Variants in ACOT12 observed in about 807,000 individuals in gnomAD.
The protein encoded by ACOT12 is acyl-CoA thioesterase 12.
A neutral mutation model predicts 67.7 loss-of-function variants in ACOT12; 51 were observed. That is an observed-to-expected ratio of 0.75 (90% CI 0.60 to 0.95). ACOT12 has a LOEUF of 0.95. ACOT12 is among the 40% of genes least tolerant of loss of function. The pLI is 0.00. For missense variants in ACOT12, 734 were observed against 708.1 expected, an observed-to-expected ratio of 1.04 and a Z score of -0.41; for synonymous variants, 251 against 244.6, an observed-to-expected ratio of 1.03 and a Z score of -0.24.
At chr5:81,351,409 T>C (rs1415202138) in intron 5 of ACOT12, among the ~76,000 whole-genome samples, 2 of 152,258 alleles carry the variant, frequency 1.3e-5, no homozygotes, top group East Asian at 1.9e-4. Context: ...AACAGACACA[T>C]AGACCAATGG....
chr5:81,327,239 CAT>C (rs10618114), downstream of ACOT12, among the ~76,000 whole-genome samples: 27,991 of 149,674 alleles, frequency 0.19, 2,779 homozygotes, highest in African/African-American at 0.25. Flanking sequence ...TACATACACA[CAT>C]ATATATATAT....
Position 81,350,957 on chromosome 5 carries a change from G to C in ACOT12, c.497-3027C>G, listed in dbSNP as rs533416668. On this transcript the variant is annotated intron_variant, in intron 5 of 14. Coordinates refer to ENST00000307624, the MANE Select transcript of ACOT12 (RefSeq NM_130767.3). ...GCAGGCCCACCTGCTGGGTCCTCCAGGACAAATGCCAGCCCCCATGCTTCC... is the reference window on the plus strand; with the variant it reads ...GCAGGCCCACCTGCTGGGTCCTCCACGACAAATGCCAGCCCCCATGCTTCC... Among the ~76,000 whole-genome samples, 613 of 152,288 alleles carry C rather than the reference G, an allele frequency of 4.0e-3. 7 individuals are homozygous for C. Among genetic ancestry groups the C allele is most frequent in the African/African-American group, 0.014 (571 of 41,558 alleles).
the ACOT12 span, among the ~76,000 whole-genome samples, chr5:81,316,795 C>T: frequency 2.0e-5 from 3 of 152,222 alleles, no homozygotes; most frequent in African/African-American, 7.2e-5. Flanking sequence ...ATTTGCATCC[C>T]CTAATGACTA....
Position 81,394,076 on chromosome 5 carries a change from T to C in ACOT12, c.39A>G (p.Gln13=). 6.8e-7 allele frequency: 1 copy of C among 1,471,992 alleles called. No homozygotes were observed. The highest frequency in any genetic ancestry group is 1.3e-5 in the South Asian group (1 of 76,624). The allele number at this position is 1,471,992 out of a possible 1,614,324, so 91.2% of individuals were successfully genotyped here. ...RPAPGEVVMS[Q]AIQPAHATAR... ...CAGTGGCGTGCGCCGGCTGGATGGC[T>C]TGGCTCATGACCACCTCGCCGGGCG... The change falls in exon 1 of 15, where the codon CAA becomes CAG. Residue 13 remains glutamine (Q), a synonymous_variant. Coordinates refer to ENST00000307624, the MANE Select transcript of ACOT12 (RefSeq NM_130767.3).
intron 11 of ACOT12, among the ~76,000 whole-genome samples, chr5:81,340,933 G>T (rs1332475244): frequency 1.3e-5 from 2 of 152,124 alleles, no homozygotes; most frequent in African/African-American, 4.8e-5. Context: ...ATCTGTATAA[G>T]AATGAAGAAT....
chr5:81,335,713 C>A (rs1249131717), intron 12 of ACOT12, 55 bp downstream of exon 12: 2 of 1,558,542 alleles, frequency 1.3e-6, no homozygotes, highest in Non-Finnish European at 1.7e-6. Flanking sequence ...GTATGGAGAT[C>A]ATCTTTTACA....
the ACOT12 span, among the ~76,000 whole-genome samples, chr5:81,314,096 T>TG: frequency 3.3e-5 from 5 of 151,674 alleles, no homozygotes; most frequent in Admixed American, 3.3e-4. Context: ...GGATTACTTT[T>TG]TGTGTGTGTG....
the ACOT12 span, among the ~76,000 whole-genome samples, chr5:81,323,551 C>T: frequency 6.6e-6 from 1 of 152,128 alleles, no homozygotes; most frequent in Non-Finnish European, 1.5e-5. Context: ...ATTGATGTGT[C>T]ACATGGTCAA....
intron 3 of ACOT12, among the ~76,000 whole-genome samples, chr5:81,370,964 T>C (rs942981076): frequency 9.2e-5 from 14 of 152,166 alleles, no homozygotes; most frequent in African/African-American, 3.1e-4. Flanking sequence ...GTAGAGAAAA[T>C]AAAATCAAGT....
intron 7 of ACOT12, among the ~76,000 whole-genome samples, chr5:81,345,409 T>A (rs1759349737): frequency 6.6e-6 from 1 of 152,082 alleles, no homozygotes. Flanking sequence ...AATTAAAAAA[T>A]AAACACTGAA....
chr5:81,384,656 T>C (rs1760678690), intron 2 of ACOT12, among the ~76,000 whole-genome samples: 1 of 152,202 alleles, frequency 6.6e-6, no homozygotes, highest in Non-Finnish European at 1.5e-5. Context: ...AAGTACACTC[T>C]ATGATGTTCC....
intron 2 of ACOT12, among the ~76,000 whole-genome samples, chr5:81,378,940 G>A (rs964204913): frequency 1.3e-5 from 2 of 152,168 alleles, no homozygotes; most frequent in African/African-American, 4.8e-5. Flanking sequence ...CAAGGATCTA[G>A]AACTAGAAAT....
chr5:81,374,391 C>T (rs6873688), intron 2 of ACOT12, among the ~76,000 whole-genome samples: 17 of 152,182 alleles, frequency 1.1e-4, no homozygotes, highest in African/African-American at 3.6e-4. Context: ...GAGAAAACAG[C>T]GCAAAAAGGC....
chr5:81,380,488 T>C lies in ACOT12; in HGVS notation c.197+5269A>G, dbSNP rs1264640221. 2.1e-5 allele frequency among the ~76,000 whole-genome samples: 3 copies of C among 142,558 alleles called. No homozygotes were observed. In the East Asian group the frequency reaches 6.1e-4, roughly 29 times the overall value. 93.5% of individuals were successfully genotyped at this position (142,558 alleles called of 152,430 possible). On this transcript the variant is annotated intron_variant, in intron 2 of 14. Coordinates refer to ENST00000307624, the MANE Select transcript of ACOT12 (RefSeq NM_130767.3). ...CTGAGGCAGGAGAATCGCTTGAACC[T>C]GGGAGGCAGAGGTTGCAGTGAGCCG... is the stretch of plus-strand genomic sequence containing the variant.
At chr5:81,363,970 C>A (rs999488412) in intron 3 of ACOT12, 81 bp from the exon 4 acceptor site, 16 of 785,210 alleles carry the variant, frequency 2.0e-5, no homozygotes, top group Non-Finnish European at 2.7e-5. Context: ...ATGTATGCAC[C>A]ATTACCTTCT....
chr5:81,312,862 G>C, the ACOT12 span: 1 of 389,716 alleles, frequency 2.6e-6, no homozygotes, highest in African/African-American at 2.0e-5. Context: ...TTGAAGAAAA[G>C]AATAAGATGA....
the ACOT12 span, among the ~76,000 whole-genome samples, chr5:81,310,157 TAAAAAAAA>T: frequency 4.8e-5 from 5 of 104,776 alleles, no homozygotes; most frequent in African/African-American, 1.6e-4. Context: ...TGACTAGCTG[TAAAAAAAA>T]AAAAAAAAAA....
intron 7 of ACOT12, 94 bp downstream of exon 7, chr5:81,345,791 T>G: frequency 6.6e-7 from 1 of 1,506,882 alleles, no homozygotes; most frequent in Non-Finnish European, 9.0e-7. Flanking sequence ...GGAATTTCAC[T>G]AAAGTAGTTC....
rs1227511863 is a variant in ACOT12, at chr5:81,330,909, T to C, written c.1423A>G (p.Ile475Val). 27 of 1,612,406 alleles carry C rather than the reference T, an allele frequency of 1.7e-5. No individual in the cohort carries two copies. The highest frequency in any genetic ancestry group is 2.2e-5 in the Non-Finnish European group (26 of 1,179,400). ...GGAGACGGGGGGACCGATGGCAAAA[T>C]GACCGACTTCACTGCCACTGTGTAA... ...NTYTVAVKSV[I>V]LPSVPPSPQY... The change falls in exon 14 of 15, where the codon ATT becomes GTT. Residue 475 changes from isoleucine (I) to valine (V), a missense_variant. Physicochemically the swap from Ile to Val is conservative, Grantham distance 29. Coordinates refer to ENST00000307624, the MANE Select transcript of ACOT12 (RefSeq NM_130767.3).
Sources: allele counts gnomAD v4.1 joint callset (sites outside exome capture counted in the v4.1 genomes callset), GRCh38; gene constraint gnomAD v4.1.1; transcripts MANE v1.5; gene names NCBI Gene and HGNC (gene_info 2026-07-23, HGNC 2026-07-21).